EPHA6: variants seen among roughly 807,000 people sequenced by gnomAD.
EPHA6 encodes the protein EPH receptor A6, also known as ephrin type-A receptor 6.
A neutral mutation model predicts 112.0 loss-of-function variants in EPHA6; 50 were observed. That is an observed-to-expected ratio of 0.45 (90% CI 0.36 to 0.56). The LOEUF is 0.56. EPHA6 is among the 20% of genes least tolerant of loss of function. The probability of loss-of-function intolerance (pLI) is 0.00; values close to 1 mark genes in which losing one functional copy is unlikely to be tolerated. For synonymous variants in EPHA6, 529 were observed against 490.7 expected (o/e 1.08, Z -1.03); for missense variants, 1,280 against 1,417.4 (o/e 0.90, Z 1.56).
At chr3:96,921,622 G>A (rs2039769655) in intron 2 of EPHA6, among the ~76,000 whole-genome samples, 1 of 150,666 alleles carries the variant, frequency 6.6e-6, no homozygotes, top group African/African-American at 2.4e-5. Flanking sequence ...AGGCTGGAGT[G>A]CAGTTGTGTG....
chr3:97,202,405 C>A (rs2077598770), intron 3 of EPHA6, among the ~76,000 whole-genome samples: 1 of 150,754 alleles, frequency 6.6e-6, no homozygotes, highest in Admixed American at 6.6e-5. Context: ...GGCTAGAGTA[C>A]AGGCACCATC....
intron 10 of EPHA6, among the ~76,000 whole-genome samples, chr3:97,527,128 A>T (rs1452846373): frequency 6.6e-6 from 1 of 152,118 alleles, no homozygotes; most frequent in Non-Finnish European, 1.5e-5. Flanking sequence ...CAAGAAGCAG[A>T]TGGGTCTGTC....
rs569219982 is a variant in EPHA6 at position 97,503,687 on chromosome 3, G to C, written c.2200+19628G>C. On this transcript the variant is annotated intron_variant, in intron 10 of 17. Transcript: ENST00000389672. ...ACTGAGATAAGTCACTAATTTTGTC[G>C]CCATTCCCCTATATTAGAGTTTTAC... Among the ~76,000 whole-genome samples the C allele has an allele frequency of 2.0e-5, 3 of 152,182 alleles. No individual in the cohort carries two copies. The South Asian group carries it at 6.2e-4, about 31-fold the overall frequency.
chr3:97,084,071 T>A (rs1362579939), intron 3 of EPHA6, among the ~76,000 whole-genome samples: 8 of 76,934 alleles, frequency 1.0e-4, no homozygotes, highest in Admixed American at 8.9e-4. Context: ...TCTTAAAGTG[T>A]GTGTGTGTGT....
At chr3:96,982,011 G>A (rs1377936021) in intron 2 of EPHA6, among the ~76,000 whole-genome samples, 1 of 151,972 alleles carries the variant, frequency 6.6e-6, no homozygotes, top group Non-Finnish European at 1.5e-5. Flanking sequence ...ACCATCCACT[G>A]GACTCATTGA....
chr3:96,858,055 G>T (rs1222210526), intron 1 of EPHA6, among the ~76,000 whole-genome samples: 1 of 151,982 alleles, frequency 6.6e-6, no homozygotes, highest in Non-Finnish European at 1.5e-5. Context: ...TGGAGAAAGG[G>T]GGTGGGGGAA....
chr3:96,893,413 T>C (rs1047434042), intron 2 of EPHA6, among the ~76,000 whole-genome samples: 1 of 152,214 alleles, frequency 6.6e-6, no homozygotes, highest in African/African-American at 2.4e-5. Flanking sequence ...TTTTGTGTTG[T>C]TTTATTCATT....
chr3:97,333,330 A>T (rs1367498710), intron 5 of EPHA6, among the ~76,000 whole-genome samples: 2 of 151,814 alleles, frequency 1.3e-5, no homozygotes, highest in Non-Finnish European at 2.9e-5. Flanking sequence ...TACCACTTTG[A>T]TGAACTCACT....
chr3:96,830,761 A>T (rs1174490166), intron 1 of EPHA6, among the ~76,000 whole-genome samples: 1 of 151,892 alleles, frequency 6.6e-6, no homozygotes, highest in Non-Finnish European at 1.5e-5. Flanking sequence ...TTGGAGAACA[A>T]TTCTTAGGGG....
chr3:97,061,219 A>C (rs1390440719), intron 3 of EPHA6, among the ~76,000 whole-genome samples: 1 of 152,214 alleles, frequency 6.6e-6, no homozygotes, highest in Non-Finnish European at 1.5e-5. Context: ...GGAGGTGGAC[A>C]TGAATTGTAT....
At chr3:97,312,605 TAATC>T (rs928829358) in intron 5 of EPHA6, among the ~76,000 whole-genome samples, 2 of 151,572 alleles carry the variant, frequency 1.3e-5, no homozygotes, top group Admixed American at 1.3e-4. Flanking sequence ...GGATAAGGGA[TAATC>T]AATCTATATA....
In EPHA6 at chr3:97,244,111, G is replaced by A. The variant is rs373819855; in HGVS notation, c.1430G>A (p.Gly477Asp). Residue 477 changes from glycine to aspartate, a missense_variant, in exon 5 of 18, where the codon GGT becomes GAT. Gly to Asp is a moderately conservative substitution (Grantham distance 94). This residue lies in a region of EPHA6 where 878 missense variants were observed against 999.7 expected (regional missense o/e 0.88). Transcript: ENST00000389672. The stretch of plus-strand genomic sequence containing the variant: ...GACACCAGCCAGTGTGAGGACTGTG[G>A]TGGAGGACTCCGCTTCATCCCAAGA... Reference protein sequence around the residue: ...GLDTSQCEDCGGGLRFIPRHT... With the variant: ...GLDTSQCEDCDGGLRFIPRHT... 58 of 1,612,912 alleles carry A rather than the reference G, an allele frequency of 3.6e-5. No homozygotes were observed. Among genetic ancestry groups the A allele is most frequent in the Non-Finnish European group, 4.7e-5 (55 of 1,179,324 alleles).
At chr3:96,966,880 G>A (rs554409391) in intron 2 of EPHA6, among the ~76,000 whole-genome samples, 1 of 152,000 alleles carries the variant, frequency 6.6e-6, no homozygotes, top group East Asian at 1.9e-4. Flanking sequence ...TATTTACTGT[G>A]TTAAGTATAT....
chr3:97,447,848 C>T lies in EPHA6; in HGVS notation c.1732-720C>T, dbSNP rs73133073. Reference sequence around the variant, plus strand: ...CTGCAGGTATGGTAAGTCTTTCATGCCTTTCTGTGTTTCCAGTGCTTCTTC... The same window carrying T: ...CTGCAGGTATGGTAAGTCTTTCATGTCTTTCTGTGTTTCCAGTGCTTCTTC... On this transcript the variant is annotated intron_variant, in intron 6 of 17. Coordinates refer to ENST00000389672, the MANE Select transcript of EPHA6 (RefSeq NM_001080448.3). 7.7e-3 allele frequency: 7,456 copies of T among 962,936 alleles called. 33 individuals are homozygous for T. The highest frequency in any genetic ancestry group is 8.4e-3 in the Non-Finnish European group (6,726 of 799,950). 59.6% of individuals were successfully genotyped at this position (962,936 alleles called of 1,614,324 possible). A position where few individuals can be genotyped will look rare whatever the true frequency, so the allele number is the denominator to read the frequency against.
At chr3:97,343,717 G>A (rs1288099934) in intron 5 of EPHA6, among the ~76,000 whole-genome samples, 1 of 152,170 alleles carries the variant, frequency 6.6e-6, no homozygotes, top group Non-Finnish European at 1.5e-5. Context: ...GTAAATGTAT[G>A]CTATCATTGA....
intron 3 of EPHA6, among the ~76,000 whole-genome samples, chr3:97,224,945 G>GT (rs1036684583): frequency 1.3e-5 from 2 of 151,256 alleles, no homozygotes; most frequent in South Asian, 2.1e-4. Context: ...GCTTTTTTGG[G>GT]TTTTTTTGTT....
intron 3 of EPHA6, among the ~76,000 whole-genome samples, chr3:97,221,288 G>GACA (rs2078188265): frequency 9.3e-6 from 1 of 107,944 alleles, no homozygotes; most frequent in Non-Finnish European, 1.7e-5. Flanking sequence ...CCAGCCTGGT[G>GACA]ACAGAGCAAG....
intron 3 of EPHA6, among the ~76,000 whole-genome samples, chr3:97,092,119 A>G (rs2047088537): frequency 6.6e-6 from 1 of 151,706 alleles, no homozygotes; most frequent in Non-Finnish European, 1.5e-5. Flanking sequence ...GCAAAAAATT[A>G]ACATATTATC....
chr3:97,566,254 G>A (rs1364868599), intron 11 of EPHA6, among the ~76,000 whole-genome samples: 1 of 152,106 alleles, frequency 6.6e-6, no homozygotes. Flanking sequence ...TTATCACCAA[G>A]GGGGTGGTGG....
Sources: gnomAD v4.1 joint callset for allele counts (sites outside exome capture counted in the v4.1 genomes callset) on GRCh38, gnomAD v4.1.1 for gene constraint, gnomAD v4.1.1 regional missense constraint, MANE v1.5 for transcripts, NCBI Gene and HGNC (gene_info 2026-07-23, HGNC 2026-07-21) for gene names.